The following PHOSPHO1 variants were observed in gnomAD, a reference collection of about 807,000 sequenced individuals.
PHOSPHO1 encodes phosphoethanolamine/phosphocholine phosphatase 1.
A neutral mutation model predicts 17.7 loss-of-function variants in PHOSPHO1; 6 were observed. That is an observed-to-expected ratio of 0.34 (90% CI 0.19 to 0.67). The LOEUF (loss-of-function observed/expected upper bound fraction) is 0.67. PHOSPHO1 is among the 30% of genes least tolerant of loss of function. PHOSPHO1 has a pLI of 0.69. For missense variants in PHOSPHO1, 330 were observed against 392.1 expected, an observed-to-expected ratio of 0.84 and a Z score of 1.34; for synonymous variants, 159 against 174.6, an observed-to-expected ratio of 0.91 and a Z score of 0.71.
intron 2 of PHOSPHO1, 149 bp downstream of exon 2, chr17:49,226,498 A>G (rs1273001728): frequency 1.2e-6 from 1 of 816,508 alleles, no homozygotes; most frequent in African/African-American, 1.7e-5. Flanking sequence ...CCTGGGATGG[A>G]AGCTTCTAGG....
At position 49,223,998 on chromosome 17, in the gene PHOSPHO1, C is replaced by G. The variant is rs2043321373; in HGVS notation, c.*248G>C. The G allele has an allele frequency of 2.2e-6, 1 of 452,448 alleles. No homozygotes were observed. Among genetic ancestry groups the G allele is most frequent in the Admixed American group, 4.1e-5 (1 of 24,504 alleles). The allele number at this position is 452,448 out of a possible 1,614,324, so 28.0% of individuals were successfully genotyped here. ...CTTCCAAGGTTTGCGCGCCACCCCG[C>G]GATGGGTCAGACTCCAGAACTCAAC... is the stretch of plus-strand genomic sequence containing the variant. On this transcript the variant is annotated 3_prime_UTR_variant, in exon 3 of 3. Transcript: ENST00000310544.
chr17:49,224,702 G>A lies in PHOSPHO1; in HGVS notation c.348C>T (p.Phe116=), dbSNP rs772174687. The A allele has an allele frequency of 1.3e-6, 2 of 1,593,996 alleles. No individual in the cohort carries two copies. Among genetic ancestry groups the A allele is most frequent in the Admixed American group, 3.5e-5 (2 of 57,380 alleles). Residue 116 remains phenylalanine (F), a synonymous_variant, in exon 3 of 3, where the codon TTC becomes TTT. Coordinates refer to ENST00000310544, the MANE Select transcript of PHOSPHO1 (RefSeq NM_178500.4). ...TGGCATCGGAGATGAGAATCACCTC[G>A]AAGCAGGCGCCCTGTTTTGCCACAA... is the stretch of plus-strand genomic sequence containing the variant. ...LQFVAKQGAC[F]EVILISDANT...
intron 2 of PHOSPHO1, 141 bp from the exon 3 acceptor site, chr17:49,225,145 A>G: frequency 7.0e-7 from 1 of 1,435,984 alleles, no homozygotes; most frequent in Non-Finnish European, 9.1e-7. Flanking sequence ...AGGAGGACCC[A>G]AGTCTGGTTA....
Position 49,224,829 on chromosome 17 carries a change from C to T in PHOSPHO1, c.221G>A (p.Arg74His), listed in dbSNP as rs202193337. 3 of 1,604,982 alleles carry T rather than the reference C, an allele frequency of 1.9e-6. No individual in the cohort carries two copies. Among genetic ancestry groups the T allele is most frequent in the Admixed American group, 1.7e-5 (1 of 58,762 alleles). The change falls in exon 3 of 3, where the codon CGC becomes CAC. Residue 74 changes from arginine to histidine, a missense_variant. Physicochemically the swap from Arg to His is conservative, Grantham distance 29. Coordinates refer to ENST00000310544, the MANE Select transcript of PHOSPHO1 (RefSeq NM_178500.4). Reference protein sequence around the residue: ...REGFYNEYMQRVFKYLGEQGV... With the variant: ...REGFYNEYMQHVFKYLGEQGV... ...CTGCTCGCCCAGGTACTTGAAGACG[C>T]GCTGCATGTACTCGTTGTAGAAGCC...
At chr17:49,225,770 T>C (rs2143563030) in intron 2 of PHOSPHO1, 1 of 1,265,976 alleles carries the variant, frequency 7.9e-7, no homozygotes. Context: ...CACCAGGCCA[T>C]GACACACCTG....
chr17:49,225,066 G>A (rs771435557), intron 2 of PHOSPHO1, 62 bp from the exon 3 acceptor site: 42 of 1,446,478 alleles, frequency 2.9e-5, no homozygotes, highest in Non-Finnish European at 3.5e-5. Context: ...GAGGGGGCGC[G>A]GCAGGAGCCC....
intron 2 of PHOSPHO1, chr17:49,225,238 T>C: frequency 7.1e-6 from 10 of 1,417,856 alleles, no homozygotes; most frequent in Non-Finnish European, 9.2e-6. Flanking sequence ...TTAACTGCAG[T>C]GGGGTTTATG....
rs1183277153 is a variant in PHOSPHO1 at position 49,226,856 on chromosome 17, G to A, written c.-67-98C>T. On this transcript the variant is annotated intron_variant, in intron 1 of 2. Transcript: ENST00000310544. ...CCCTGGTCCTTCTGCTGAGCTACAG[G>A]AGGCATTCCCAGGGTCTTAGCAAAA... 7.0e-6 allele frequency: 5 copies of A among 719,314 alleles called. No individual in the cohort carries two copies. The African/African-American group carries it at 8.8e-5, about 13-fold the overall frequency. The allele number at this position is 719,314 out of a possible 1,614,324, so 44.6% of individuals were successfully genotyped here.
Position 49,223,812 on chromosome 17 carries a change from G to A in PHOSPHO1, c.*434C>T, listed in dbSNP as rs532417054. ...TCTGCCTCTGTGGGGAGTTCTTGCG[G>A]CCAGGAGAATTTCAGGATCCTGGGT... On this transcript the variant is annotated 3_prime_UTR_variant, in exon 3 of 3. Transcript: ENST00000310544. 2.6e-4 allele frequency: 42 copies of A among 164,454 alleles called. 1 individual carries two copies. Among genetic ancestry groups the A allele is most frequent in the African/African-American group, 1.0e-3 (42 of 42,014 alleles). 10.2% of individuals were successfully genotyped at this position (164,454 alleles called of 1,614,324 possible). A position where few individuals can be genotyped will look rare whatever the true frequency, so the allele number is the denominator to read the frequency against.
chr17:49,224,640 C>A lies in PHOSPHO1; in HGVS notation c.410G>T (p.Gly137Val). The change falls in exon 3 of 3, where the codon GGC (glycine) becomes GTC (valine). Residue 137 changes from glycine to valine, a missense_variant. Gly to Val is a moderately radical substitution (Grantham distance 109, BLOSUM62 -3). Coordinates refer to ENST00000310544, the MANE Select transcript of PHOSPHO1 (RefSeq NM_178500.4). ...FGVESSLRAA[G>V]HHSLFRRILS... Reference sequence around the variant, plus strand: ...GATGCGGCGGAACAGGCTGTGGTGGCCGGCGGCGCGCAGCGAGCTCTCCAC... The same window carrying A: ...GATGCGGCGGAACAGGCTGTGGTGGACGGCGGCGCGCAGCGAGCTCTCCAC... The A allele has an allele frequency of 6.3e-7, 1 of 1,582,562 alleles. No individual in the cohort carries two copies.
rs113781183 is a variant in PHOSPHO1, at chr17:49,225,275, C to T, written c.46-271G>A. ...CCAGAGGGCTTCTCGGCACCTGTTTCCCCTACTCTCATCGAGGGCCAATGG... is the reference window on the plus strand; with the variant it reads ...CCAGAGGGCTTCTCGGCACCTGTTTTCCCTACTCTCATCGAGGGCCAATGG... On this transcript the variant is annotated intron_variant, in intron 2 of 2. Transcript: ENST00000310544. The T allele has an allele frequency of 1.6e-4, 218 of 1,402,262 alleles. No individual in the cohort carries two copies. The African/African-American group carries it at 2.5e-3, about 16-fold the overall frequency. 86.9% of individuals were successfully genotyped at this position (1,402,262 alleles called of 1,614,324 possible). A position where few individuals can be genotyped will look rare whatever the true frequency, so the allele number is the denominator to read the frequency against.
Position 49,224,670 on chromosome 17 carries a change from A to C in PHOSPHO1, c.380T>G (p.Phe127Cys). The change falls in exon 3 of 3, where the codon TTT (phenylalanine) becomes TGT (cysteine). Residue 127 changes from phenylalanine to cysteine, a missense_variant. Coordinates refer to ENST00000310544, the MANE Select transcript of PHOSPHO1 (RefSeq NM_178500.4). The stretch of plus-strand genomic sequence containing the variant: ...GGCGCGCAGCGAGCTCTCCACGCCA[A>C]AGGTGTTGGCATCGGAGATGAGAAT... Reference protein sequence around the residue: ...EVILISDANTFGVESSLRAAG... With the variant: ...EVILISDANTCGVESSLRAAG... 6.3e-7 allele frequency: 1 copy of C among 1,590,170 alleles called. No homozygotes were observed. The highest frequency in any genetic ancestry group is 8.5e-7 in the Non-Finnish European group (1 of 1,172,492).
rs1233409449 is a variant in PHOSPHO1 at position 49,228,010 on chromosome 17, G to C, written c.-67-1252C>G. On this transcript the variant is annotated intron_variant, in intron 1 of 2. Transcript: ENST00000310544. ...TGGAGCTGTCCCCAGTCCCTATCTG[G>C]AGGGACTTCCAACCTTCCAGATTCC... Among the ~76,000 whole-genome samples, 3 of 152,138 alleles carry C rather than the reference G, an allele frequency of 2.0e-5. No homozygotes were observed. In the East Asian group the frequency reaches 5.8e-4, roughly 29 times the overall value.
At chr17:49,225,399 C>A (rs1262038478) in intron 2 of PHOSPHO1, 2 of 985,298 alleles carry the variant, frequency 2.0e-6, no homozygotes, top group African/African-American at 3.5e-5. Context: ...CCAGTGGCCC[C>A]TGTTGTTGGT....
Position 49,230,764 on chromosome 17 carries a change from CGCGGCCGGCGCT to C in PHOSPHO1, c.-376_-365del, listed in dbSNP as rs1478083392. On this transcript the variant is annotated 5_prime_UTR_variant, in exon 1 of 3. Transcript: ENST00000310544. ...CGGGAGCCGGAGCCGGAGCCGGAGC[CGCGGCCGGCGCT>C]GCGGCTGCTGCAGCAGCGGAGCCCA... 8 of 155,484 alleles carry C rather than the reference CGCGGCCGGCGCT, an allele frequency of 5.1e-5. 1 individual carries two copies. In the South Asian group the frequency reaches 8.3e-4, roughly 16 times the overall value. The allele number at this position is 155,484 out of a possible 1,614,324, so 9.6% of individuals were successfully genotyped here.
rs977104340 is a variant in PHOSPHO1, at chr17:49,223,515, G to A, written c.*731C>T. Reference sequence around the variant, plus strand: ...AGCCCGCGAGGGTGACTTTGGTGAAGTCCCTGGTCTCTTGCTGCATAGACG... The same window carrying A: ...AGCCCGCGAGGGTGACTTTGGTGAAATCCCTGGTCTCTTGCTGCATAGACG... On this transcript the variant is annotated 3_prime_UTR_variant, in exon 3 of 3. Transcript: ENST00000310544. 12 of 152,856 alleles carry A rather than the reference G, an allele frequency of 7.9e-5. No homozygotes were observed. Among genetic ancestry groups the A allele is most frequent in the African/African-American group, 2.9e-4 (12 of 41,406 alleles). The allele number at this position is 152,856 out of a possible 1,614,324, so 9.5% of individuals were successfully genotyped here.
Position 49,225,465 on chromosome 17 carries a change from T to A in PHOSPHO1, c.46-461A>T, listed in dbSNP as rs1364152774. The A allele has an allele frequency of 4.1e-6, 4 of 984,826 alleles. No homozygotes were observed. In the East Asian group the frequency reaches 3.4e-4, roughly 84 times the overall value. 61.0% of individuals were successfully genotyped at this position (984,826 alleles called of 1,614,324 possible). ...CCCTCCCTCATTCCCTGAGGTAGAG[T>A]CAAGGGAAACCAACCACCCATCCAC... is the stretch of plus-strand genomic sequence containing the variant. On this transcript the variant is annotated intron_variant, in intron 2 of 2. Coordinates refer to ENST00000310544, the MANE Select transcript of PHOSPHO1 (RefSeq NM_178500.4).
intron 1 of PHOSPHO1, among the ~76,000 whole-genome samples, chr17:49,227,698 C>A (rs1175554489): frequency 6.6e-6 from 1 of 152,192 alleles, no homozygotes; most frequent in Non-Finnish European, 1.5e-5. Flanking sequence ...CGCCCCAGGA[C>A]AGAGACGGGG....
At chr17:49,228,367 C>A (rs569124170) in intron 1 of PHOSPHO1, among the ~76,000 whole-genome samples, 47 of 151,402 alleles carry the variant, frequency 3.1e-4, no homozygotes, top group African/African-American at 1.1e-3. Flanking sequence ...CAAAACTTCT[C>A]ATTTTTTCAG....
Sources: gnomAD v4.1 joint callset for allele counts (sites outside exome capture counted in the v4.1 genomes callset) on GRCh38, gnomAD v4.1.1 for gene constraint, MANE v1.5 for transcripts, NCBI Gene and HGNC (gene_info 2026-07-23, HGNC 2026-07-21) for gene names.